MAD1L1: variants seen among roughly 807,000 people sequenced by gnomAD.
The protein encoded by MAD1L1 is mitotic spindle assembly checkpoint protein MAD1.
In MAD1L1, 95 loss-of-function variants were observed where a neutral mutation model predicts 96.9. That is an observed-to-expected ratio of 0.98 (90% CI 0.83 to 1.16). MAD1L1 has a LOEUF of 1.16. MAD1L1 is among the 50% of genes most tolerant of loss of function. MAD1L1 has a pLI of 0.00. For synonymous variants in MAD1L1, 473 were observed against 396.6 expected (o/e 1.19, Z -2.29); for missense variants, 1,007 against 954.4 (o/e 1.06, Z -0.73).
At chr7:2,163,153 C>G (rs934539485) in intron 10 of MAD1L1, among the ~76,000 whole-genome samples, 6 of 152,148 alleles carry the variant, frequency 3.9e-5, no homozygotes, top group Admixed American at 2.0e-4. Context: ...GTGCAACAGG[C>G]ACAAACCGGC....
intron 8 of MAD1L1, 54 bp downstream of exon 8, chr7:2,216,103 T>C: frequency 6.2e-7 from 1 of 1,607,994 alleles, no homozygotes; most frequent in Non-Finnish European, 8.5e-7. Context: ...GGGCTCCATG[T>C]GCACAAACCC....
chr7:2,052,410 G>A (rs922844764), intron 12 of MAD1L1, among the ~76,000 whole-genome samples: 17 of 150,284 alleles, frequency 1.1e-4, no homozygotes, highest in Admixed American at 9.9e-4. Context: ...CCAGGAGGGC[G>A]CCGGACAGCT....
chr7:2,118,731 C>A (rs1178935741), intron 11 of MAD1L1, among the ~76,000 whole-genome samples: 1 of 152,200 alleles, frequency 6.6e-6, no homozygotes, highest in Admixed American at 6.5e-5. Flanking sequence ...GGAGCAGGCT[C>A]GGCTCACAGT....
At chr7:1,981,318 G>A (rs1245079042) in intron 14 of MAD1L1, among the ~76,000 whole-genome samples, 3 of 152,076 alleles carry the variant, frequency 2.0e-5, no homozygotes, top group Admixed American at 2.0e-4. Context: ...GAGGCATCAG[G>A]GGCAGCAGAC....
At chr7:1,862,774 A>G (rs141069396) in intron 18 of MAD1L1, among the ~76,000 whole-genome samples, 1 of 152,254 alleles carries the variant, frequency 6.6e-6, no homozygotes, top group South Asian at 2.1e-4. Context: ...AAAATGAAAA[A>G]AAACAGTGCT....
At chr7:2,102,225 GCCA>G (rs1786820573) in intron 11 of MAD1L1, among the ~76,000 whole-genome samples, 1 of 124,744 alleles carries the variant, frequency 8.0e-6, no homozygotes, top group Non-Finnish European at 1.7e-5. Flanking sequence ...CGCCACCGTC[GCCA>G]CCGCCACCAC....
At chr7:2,059,799 C>CA (rs1784558970) in intron 12 of MAD1L1, among the ~76,000 whole-genome samples, 1 of 152,052 alleles carries the variant, frequency 6.6e-6, no homozygotes, top group African/African-American at 2.4e-5. Context: ...GCAAGGTTGT[C>CA]ATGTGCAGGG....
intron 18 of MAD1L1, chr7:1,844,327 A>AG (rs1416304000): frequency 6.5e-6 from 1 of 152,828 alleles, no homozygotes; most frequent in Non-Finnish European, 1.5e-5. Context: ...GTGGACAGGG[A>AG]GCCCCAGCTG....
intron 11 of MAD1L1, among the ~76,000 whole-genome samples, chr7:2,081,560 C>T (rs1459260545): frequency 2.0e-5 from 3 of 152,308 alleles, no homozygotes; most frequent in African/African-American, 4.8e-5. Context: ...AGGCGGGGGG[C>T]GCTCCCTGCA....
At chr7:2,006,338 C>T (rs1005593235) in intron 13 of MAD1L1, among the ~76,000 whole-genome samples, 7 of 152,218 alleles carry the variant, frequency 4.6e-5, no homozygotes, top group Middle Eastern at 3.4e-3. Flanking sequence ...GTTGGGAGAA[C>T]GAAGGTGGCT....
chr7:2,137,586 T>C (rs1379651677), intron 11 of MAD1L1, among the ~76,000 whole-genome samples: 1 of 152,094 alleles, frequency 6.6e-6, no homozygotes. Flanking sequence ...GTCTCCTCCT[T>C]CCCTTCTGTG....
Position 1,948,677 on chromosome 7 carries a change from C to A in MAD1L1, c.1596+8952G>T, listed in dbSNP as rs1779345310. On this transcript the variant is annotated intron_variant, in intron 16 of 18. Coordinates refer to ENST00000265854, the MANE Select transcript of MAD1L1 (RefSeq NM_001013836.2). The stretch of plus-strand genomic sequence containing the variant: ...GATAACAGCCTCTGTGGTTCCATAG[C>A]AGAGAAAGGGCGGGCGGCCTGCCGT... Among the ~76,000 whole-genome samples, 3 of 152,208 alleles carry A rather than the reference C, an allele frequency of 2.0e-5. No individual in the cohort carries two copies. The South Asian group carries it at 6.2e-4, about 31-fold the overall frequency.
intron 11 of MAD1L1, among the ~76,000 whole-genome samples, chr7:2,145,633 T>TG (rs1248292894): frequency 6.6e-6 from 1 of 152,188 alleles, no homozygotes; most frequent in Admixed American, 6.5e-5. Flanking sequence ...AGGGAGGTGA[T>TG]GGCTTCCGGC....
intron 15 of MAD1L1, among the ~76,000 whole-genome samples, chr7:1,969,903 GAGA>G (rs1186312018): frequency 6.6e-5 from 10 of 152,238 alleles, no homozygotes; most frequent in Non-Finnish European, 1.0e-4. Flanking sequence ...CTGTGTCAGG[GAGA>G]AGAAGACTGC....
intron 1 of MAD1L1, among the ~76,000 whole-genome samples, chr7:2,232,262 G>A (rs1469167031): frequency 6.6e-6 from 1 of 152,256 alleles, no homozygotes; most frequent in Non-Finnish European, 1.5e-5. Context: ...GGTGCAAGCA[G>A]AGGCCTGAGC....
At chr7:2,081,831 G>A (rs768175665) in intron 11 of MAD1L1, among the ~76,000 whole-genome samples, 13 of 152,378 alleles carry the variant, frequency 8.5e-5, no homozygotes, top group East Asian at 1.9e-4. Flanking sequence ...CACACCTGCC[G>A]TCAGGGTGGG....
At chr7:1,969,373 C>T (rs1244346345) in intron 15 of MAD1L1, among the ~76,000 whole-genome samples, 1 of 152,122 alleles carries the variant, frequency 6.6e-6, no homozygotes, top group African/African-American at 2.4e-5. Context: ...CAGAGCGAAA[C>T]TCCACCTCAA....
At chr7:1,823,222 A>G (rs10260276) in intron 18 of MAD1L1, among the ~76,000 whole-genome samples, 1 of 151,966 alleles carries the variant, frequency 6.6e-6, no homozygotes, top group Non-Finnish European at 1.5e-5. Context: ...TTAAAAAAAA[A>G]TTTTTTTGAC....
chr7:2,098,507 G>A (rs1241001319), intron 11 of MAD1L1, among the ~76,000 whole-genome samples: 6 of 152,304 alleles, frequency 3.9e-5, no homozygotes, highest in Middle Eastern at 6.8e-3. Context: ...CATGCCGTAC[G>A]CAGCAGCAGT....
Sources: allele counts gnomAD v4.1 joint callset (sites outside exome capture counted in the v4.1 genomes callset), GRCh38; gene constraint gnomAD v4.1.1; transcripts MANE v1.5; gene names NCBI Gene and HGNC (gene_info 2026-07-23, HGNC 2026-07-21).